Variants in ASTN2 observed in about 807,000 individuals in gnomAD.
The protein encoded by ASTN2 is astrotactin 2.
In ASTN2, 54 loss-of-function variants were observed where a neutral mutation model predicts 139.8. That is an observed-to-expected ratio of 0.39 (90% confidence interval 0.31 to 0.48). The LOEUF (loss-of-function observed/expected upper bound fraction) is 0.48. Among genes scored for constraint, ASTN2 ranks in the 20% least tolerant of loss-of-function variants. The probability of loss-of-function intolerance (pLI) is 0.95; values close to 1 mark genes in which losing one functional copy is unlikely to be tolerated. For synonymous variants in ASTN2, 756 were observed against 719.5 expected (o/e 1.05, Z -0.81); for missense variants, 1,565 against 1,725.1 (o/e 0.91, Z 1.64).
intron 19 of ASTN2, among the ~76,000 whole-genome samples, chr9:116,528,822 G>T (rs939986763): frequency 3.9e-5 from 6 of 152,136 alleles, no homozygotes; most frequent in African/African-American, 1.2e-4. Flanking sequence ...ACTTCAGAGG[G>T]TGCAAGCCCC....
chr9:116,800,507 G>A (rs1036667616), intron 13 of ASTN2, among the ~76,000 whole-genome samples: 3 of 152,142 alleles, frequency 2.0e-5, no homozygotes, highest in African/African-American at 7.2e-5. Context: ...GACCTGAAGA[G>A]GTAGCTCCCC....
chr9:116,467,355 C>A (rs1848680189), intron 20 of ASTN2, among the ~76,000 whole-genome samples: 1 of 152,202 alleles, frequency 6.6e-6, no homozygotes, highest in Non-Finnish European at 1.5e-5. Context: ...CAACCTCCCC[C>A]TCCCGGGTTC....
At chr9:116,828,820 C>G (rs938729238) in intron 11 of ASTN2, among the ~76,000 whole-genome samples, 2 of 152,058 alleles carry the variant, frequency 1.3e-5, no homozygotes, top group Admixed American at 6.5e-5. Context: ...AAGACTCTAT[C>G]AAGTTTCAAG....
chr9:116,696,659 G>A (rs530217734), intron 16 of ASTN2, among the ~76,000 whole-genome samples: 18 of 152,150 alleles, frequency 1.2e-4, no homozygotes, highest in African/African-American at 3.6e-4. Flanking sequence ...TTCGTTTATA[G>A]TACCACTTTC....
intron 2 of ASTN2, among the ~76,000 whole-genome samples, chr9:117,255,303 G>A (rs564495947): frequency 3.0e-4 from 45 of 152,296 alleles, no homozygotes; most frequent in African/African-American, 9.6e-4. Flanking sequence ...GCTGAGATAC[G>A]GCAGCAAACA....
At chr9:117,028,656 T>A (rs1838165363) in intron 6 of ASTN2, among the ~76,000 whole-genome samples, 1 of 152,266 alleles carries the variant, frequency 6.6e-6, no homozygotes, top group East Asian at 1.9e-4. Flanking sequence ...GTGATCCTTC[T>A]AAGCTGTCTT....
intron 2 of ASTN2, among the ~76,000 whole-genome samples, chr9:117,251,082 G>C (rs529642907): frequency 1.3e-5 from 2 of 152,254 alleles, no homozygotes; most frequent in Non-Finnish European, 2.9e-5. Context: ...TGAAGCTGAG[G>C]AGTCAGCACT....
intron 1 of ASTN2, among the ~76,000 whole-genome samples, chr9:117,326,758 CAA>C (rs138122961): frequency 0.023 from 3,468 of 152,118 alleles, 153 homozygotes; most frequent in African/African-American, 0.08. Flanking sequence ...TTCCAAGTGC[CAA>C]GAGAGAGTAT....
intron 10 of ASTN2, among the ~76,000 whole-genome samples, chr9:116,876,161 C>T (rs1032905195): frequency 7.9e-5 from 12 of 152,060 alleles, no homozygotes; most frequent in South Asian, 4.1e-4. Flanking sequence ...AATATTAGCA[C>T]GAGTTTGGAA....
intron 19 of ASTN2, among the ~76,000 whole-genome samples, chr9:116,578,682 A>G (rs1853828590): frequency 6.8e-6 from 1 of 146,246 alleles, no homozygotes; most frequent in Non-Finnish European, 1.5e-5. Context: ...ACTGTACAGT[A>G]CCAATCCCTG....
chr9:116,682,170 A>C (rs1483879050), intron 16 of ASTN2, among the ~76,000 whole-genome samples: 1 of 152,184 alleles, frequency 6.6e-6, no homozygotes, highest in Non-Finnish European at 1.5e-5. Flanking sequence ...AACTCAAACA[A>C]ATTTACAAGA....
chr9:117,011,937 G>A (rs566133092), intron 6 of ASTN2, among the ~76,000 whole-genome samples: 1 of 152,256 alleles, frequency 6.6e-6, no homozygotes, highest in Non-Finnish European at 1.5e-5. Flanking sequence ...AGTAGTCTGT[G>A]AATTCCTCTT....
intron 13 of ASTN2, among the ~76,000 whole-genome samples, chr9:116,781,740 A>G (rs1262603165): frequency 2.6e-5 from 4 of 152,118 alleles, no homozygotes; most frequent in African/African-American, 4.8e-5. Flanking sequence ...CATTGGATCT[A>G]TTAAAGGTGT....
chr9:117,300,775 C>T (rs1481034620), intron 1 of ASTN2, among the ~76,000 whole-genome samples: 2 of 152,156 alleles, frequency 1.3e-5, no homozygotes, highest in African/African-American at 2.4e-5. Context: ...ATGGCCAAAG[C>T]CCTCTGGCAG....
intron 20 of ASTN2, among the ~76,000 whole-genome samples, chr9:116,454,747 G>T (rs1848277067): frequency 1.3e-5 from 2 of 152,156 alleles, no homozygotes; most frequent in African/African-American, 4.8e-5. Flanking sequence ...TAGGGACATG[G>T]ACAAAGCTGG....
At chr9:117,395,257 C>T (rs1465353927) in intron 1 of ASTN2, among the ~76,000 whole-genome samples, 1 of 152,070 alleles carries the variant, frequency 6.6e-6, no homozygotes, top group African/African-American at 2.4e-5. Context: ...CACTGTGTCC[C>T]CTCATAAGCC....
chr9:116,602,352 T>A (rs1327999311), intron 19 of ASTN2, among the ~76,000 whole-genome samples: 2 of 152,058 alleles, frequency 1.3e-5, no homozygotes, highest in African/African-American at 2.4e-5. Context: ...AGAAGAAAAA[T>A]TTATAAGCAT....
At chr9:117,004,078 G>A (rs549655291) in intron 7 of ASTN2, among the ~76,000 whole-genome samples, 69 of 151,970 alleles carry the variant, frequency 4.5e-4, no homozygotes, top group African/African-American at 1.6e-3. Flanking sequence ...ATGCATAAGA[G>A]CTGTGTTACA....
intron 11 of ASTN2, among the ~76,000 whole-genome samples, chr9:116,837,948 T>C (rs1402211805): frequency 1.3e-5 from 2 of 152,136 alleles, no homozygotes; most frequent in Non-Finnish European, 2.9e-5. Flanking sequence ...GCTAGTCCCT[T>C]GGCTTGTCTG....
Sources: allele counts gnomAD v4.1 joint callset (sites outside exome capture counted in the v4.1 genomes callset), GRCh38; gene constraint gnomAD v4.1.1; transcripts MANE v1.5; gene names NCBI Gene and HGNC (gene_info 2026-07-23, HGNC 2026-07-21).